MPRIP: variants seen among roughly 807,000 people sequenced by gnomAD.
The protein encoded by MPRIP is myosin phosphatase Rho interacting protein.
MPRIP carries 59 observed loss-of-function variants against 234.9 expected under a neutral mutation model. The ratio of observed to expected loss-of-function variants is 0.25; its 90% CI spans 0.20 to 0.31. The LOEUF (loss-of-function observed/expected upper bound fraction) is 0.31. MPRIP is among the 10% of genes least tolerant of loss of function. The probability of loss-of-function intolerance (pLI) is 1.00; values close to 1 mark genes in which losing one functional copy is unlikely to be tolerated. For synonymous variants in MPRIP, 1,144 were observed against 1,263.9 expected, an observed-to-expected ratio of 0.91 and a Z score of 2.01; for missense variants, 2,436 against 3,071.0, an observed-to-expected ratio of 0.79 and a Z score of 4.89.
intron 3 of MPRIP, among the ~76,000 whole-genome samples, chr17:17,094,738 G>A: frequency 6.6e-6 from 1 of 151,592 alleles, no homozygotes; most frequent in Non-Finnish European, 1.5e-5. Context: ...AGCCTCCCAG[G>A]TAGCTGGGAC....
chr17:17,111,836 ACTCT>A (rs1161244566), intron 3 of MPRIP, among the ~76,000 whole-genome samples: 5 of 151,074 alleles, frequency 3.3e-5, no homozygotes, highest in African/African-American at 4.9e-5. Flanking sequence ...CTGCCCACTC[ACTCT>A]CTGTTCCCAG....
chr17:17,043,033 C>T, intron 1 of MPRIP, 62 bp downstream of exon 1: 3 of 1,512,940 alleles, frequency 2.0e-6, no homozygotes, highest in Non-Finnish European at 2.7e-6. Flanking sequence ...GCGGCCGGGG[C>T]GCCGCCAAGG....
intron 23 of MPRIP, among the ~76,000 whole-genome samples, chr17:17,180,930 AC>A (rs2046361749): frequency 6.6e-6 from 1 of 152,250 alleles, no homozygotes; most frequent in African/African-American, 2.4e-5. Context: ...TAATCTGTGC[AC>A]AACGGCTGAA....
intron 12 of MPRIP, among the ~76,000 whole-genome samples, chr17:17,150,750 G>A (rs2045583575): frequency 6.7e-6 from 1 of 150,028 alleles, no homozygotes; most frequent in Non-Finnish European, 1.5e-5. Flanking sequence ...GGTTCTTATT[G>A]GCTGTTTCTT....
chr17:17,115,333 C>T (rs1036175318), intron 3 of MPRIP, among the ~76,000 whole-genome samples: 21 of 152,192 alleles, frequency 1.4e-4, no homozygotes, highest in Admixed American at 1.0e-3. Context: ...GTGATGGAGG[C>T]GGCATGCTGT....
chr17:17,163,979 AT>A (rs1246383079), intron 15 of MPRIP, 129 bp from the exon 16 acceptor site: 8 of 503,798 alleles, frequency 1.6e-5, no homozygotes, highest in Non-Finnish European at 2.1e-5. Context: ...GGAAAAAAAA[AT>A]AAAGTTGTAC....
chr17:17,151,119 C>T (rs1445796667), intron 12 of MPRIP, among the ~76,000 whole-genome samples: 4 of 152,060 alleles, frequency 2.6e-5, no homozygotes, highest in East Asian at 1.9e-4. Flanking sequence ...GATCCACTTG[C>T]CTTGGCTTCC....
rs1382567262 is a variant in MPRIP at position 17,166,291 on chromosome 17, A to C, written c.4700A>C (p.Asp1567Ala). ...TEQEQVRLLS[D>A]QIALEASLIS... ...CAGGAGCAGGTGAGGCTTCTTTCTG[A>C]CCAGATTGCTCTGGAGGCCTCGCTG... The change falls in exon 16 of 24, where the codon GAC becomes GCC. Residue 1567 changes from aspartate (D) to alanine (A), a missense_variant. Asp to Ala is a moderately radical substitution (Grantham distance 126, BLOSUM62 -2). Transcript: ENST00000651222. The surrounding 1 kb of genome is among the most constrained non-coding windows in gnomAD (Gnocchi z 4.4). 10 of 1,304,200 alleles carry C rather than the reference A, an allele frequency of 7.7e-6. No individual in the cohort carries two copies. Among genetic ancestry groups the C allele is most frequent in the Non-Finnish European group, 1.0e-5 (10 of 988,978 alleles). 80.8% of individuals were successfully genotyped at this position (1,304,200 alleles called of 1,614,324 possible). A position where few individuals can be genotyped will look rare whatever the true frequency, so the allele number is the denominator to read the frequency against.
chr17:17,102,382 T>C (rs1165561090), intron 3 of MPRIP, among the ~76,000 whole-genome samples: 1 of 152,214 alleles, frequency 6.6e-6, no homozygotes, highest in Non-Finnish European at 1.5e-5. Flanking sequence ...AGCCAATCCC[T>C]CTGCTGCCCC....
chr17:17,058,275 AG>A, intron 1 of MPRIP, among the ~76,000 whole-genome samples: 1 of 151,936 alleles, frequency 6.6e-6, no homozygotes, highest in African/African-American at 2.4e-5. Flanking sequence ...ACCTGGGGAG[AG>A]GATTCTAGGG....
chr17:17,104,644 CAG>C, intron 3 of MPRIP, among the ~76,000 whole-genome samples: 1 of 152,178 alleles, frequency 6.6e-6, no homozygotes, highest in East Asian at 1.9e-4. Context: ...CACAGAGAGA[CAG>C]AGCCCCAATT....
intron 1 of MPRIP, among the ~76,000 whole-genome samples, chr17:17,069,517 G>T (rs1302378208): frequency 2.1e-4 from 31 of 149,044 alleles, no homozygotes; most frequent in African/African-American, 7.6e-4. Flanking sequence ...TGGGTTACTT[G>T]AACATTTTCT....
At chr17:17,061,567 C>T (rs986382870) in intron 1 of MPRIP, among the ~76,000 whole-genome samples, 4 of 152,224 alleles carry the variant, frequency 2.6e-5, no homozygotes, top group African/African-American at 9.6e-5. Flanking sequence ...GAGTGCAGCC[C>T]CCACCCCCAC....
At position 17,078,065 on chromosome 17, in the gene MPRIP, C is replaced by G. The variant is rs760487005; in HGVS notation, c.256C>G (p.Leu86Val). 1 of 1,614,052 alleles carries G rather than the reference C, an allele frequency of 6.2e-7. No homozygotes were observed. Among genetic ancestry groups the G allele is most frequent in the South Asian group, 1.1e-5 (1 of 91,092 alleles). Reference protein sequence around the residue: ...LYEHGLLRYALDEMPTTLPQG... With the variant: ...LYEHGLLRYAVDEMPTTLPQG... ...CGAGCACGGCCTCTTGCGCTACGCC[C>G]TGGATGAGATGGTAAGTGTTATCCT... is the stretch of plus-strand genomic sequence containing the variant. The change falls in exon 3 of 24, where the codon CTG (leucine) becomes GTG (valine). Residue 86 changes from leucine (L) to valine (V), a missense_variant. Coordinates refer to ENST00000651222, the MANE Select transcript of MPRIP (RefSeq NM_001364716.4). The surrounding 1 kb of genome is among the most constrained non-coding windows in gnomAD (Gnocchi z 4.3).
chr17:17,046,408 G>C (rs2088353300), intron 1 of MPRIP, among the ~76,000 whole-genome samples: 1 of 152,104 alleles, frequency 6.6e-6, no homozygotes, highest in Non-Finnish European at 1.5e-5. Context: ...GTATTTCTCT[G>C]GGGGCAGATA....
chr17:17,122,952 A>G (rs56066973), intron 3 of MPRIP, among the ~76,000 whole-genome samples: 1 of 152,204 alleles, frequency 6.6e-6, no homozygotes, highest in Non-Finnish European at 1.5e-5. Context: ...GTAGCCAAAA[A>G]ATGGAAACAG....
At chr17:17,050,688 A>G (rs895491365) in intron 1 of MPRIP, among the ~76,000 whole-genome samples, 15 of 152,294 alleles carry the variant, frequency 9.8e-5, no homozygotes, top group South Asian at 6.2e-4. Context: ...TTCTTTGACT[A>G]TCACATCTTT....
At chr17:17,051,826 A>G (rs973390395) in intron 1 of MPRIP, among the ~76,000 whole-genome samples, 3 of 152,214 alleles carry the variant, frequency 2.0e-5, no homozygotes, top group African/African-American at 4.8e-5. Flanking sequence ...CCTAGTTCAC[A>G]TGAAACCACA....
intron 19 of MPRIP, among the ~76,000 whole-genome samples, 178 bp from the exon 20 acceptor site, chr17:17,175,115 A>G (rs754796295): frequency 3.9e-5 from 6 of 152,244 alleles, no homozygotes; most frequent in Non-Finnish European, 8.8e-5. Context: ...GGGACCAGCC[A>G]TGGAACAGAT....
Sources: gnomAD v4.1 joint callset for allele counts (sites outside exome capture counted in the v4.1 genomes callset) on GRCh38, gnomAD v4.1.1 for gene constraint, Gnocchi (gnomAD v3.1) non-coding constraint, MANE v1.5 for transcripts, NCBI Gene and HGNC (gene_info 2026-07-23, HGNC 2026-07-21) for gene names.